Variants in HDX observed in about 807,000 individuals in gnomAD.
HDX encodes highly divergent homeobox.
Under a neutral mutation model 45.2 loss-of-function variants are expected in HDX, and 19 were observed. The ratio of observed to expected loss-of-function variants is 0.42; its 90% confidence interval spans 0.29 to 0.62. HDX has a LOEUF of 0.62. HDX is among the 20% of genes least tolerant of loss of function. The pLI is 0.20. For synonymous variants in HDX, 188 were observed against 172.8 expected (o/e 1.09, Z -0.69); for missense variants, 532 against 493.9 (o/e 1.08, Z -0.73).
At chrX:84,461,081 TAA>T (rs2040227263) in intron 4 of HDX, among the ~76,000 whole-genome samples, 1 of 111,459 alleles carries the variant, frequency 9.0e-6, no homozygotes. Flanking sequence ...TCAATATTTT[TAA>T]GGTGTCTATA....
At chrX:84,403,284 G>A (rs746567610) in intron 5 of HDX, among the ~76,000 whole-genome samples, 1 of 110,772 alleles carries the variant, frequency 9.0e-6, no homozygotes, top group South Asian at 3.7e-4. Flanking sequence ...TAAAAATAAA[G>A]GTTAAATGAA....
At chrX:84,356,118 CGTAA>C (rs1203619689) in intron 6 of HDX, among the ~76,000 whole-genome samples, 4 of 110,604 alleles carry the variant, frequency 3.6e-5, no homozygotes, top group South Asian at 3.8e-4. Context: ...CAAATTATAC[CGTAA>C]GTAATGGTTA....
In HDX at chrX:84,392,172, TATC is replaced by T. The variant is rs778423304; in HGVS notation, c.1306-30563_1306-30561del. Reference sequence around the variant, plus strand: ...TCCAAGCACCATTTATTAAAGAGACTATCATTTCCCAAATGTATGTACTTAGCA... The same window carrying T: ...TCCAAGCACCATTTATTAAAGAGACTATTTCCCAAATGTATGTACTTAGCA... On this transcript the variant is annotated intron_variant, in intron 5 of 10. Transcript: ENST00000373177. Among the ~76,000 whole-genome samples, 9 of 112,017 alleles carry T rather than the reference TATC, an allele frequency of 8.0e-5. No homozygotes were observed. The East Asian group carries it at 1.7e-3, about 21-fold the overall frequency.
At chrX:84,364,347 A>G (rs767501089) in intron 5 of HDX, among the ~76,000 whole-genome samples, 1 of 110,672 alleles carries the variant, frequency 9.0e-6, no homozygotes, top group African/African-American at 3.3e-5. Flanking sequence ...TTTCTAAATA[A>G]TCAAAAACAG....
At chrX:84,467,428 A>G (rs1271220185) in intron 4 of HDX, among the ~76,000 whole-genome samples, 1 of 110,323 alleles carries the variant, frequency 9.1e-6, no homozygotes, top group Non-Finnish European at 1.9e-5. Flanking sequence ...GGAGTCCAAG[A>G]CCAGCCTGGT....
chrX:84,432,002 A>T (rs780191961), intron 5 of HDX, among the ~76,000 whole-genome samples: 1 of 110,850 alleles, frequency 9.0e-6, no homozygotes, highest in Admixed American at 9.6e-5. Flanking sequence ...TCTTGAGTCG[A>T]TTTTTTTTAT....
At chrX:84,322,050 T>C in intron 10 of HDX, 36 bp from the exon 11 acceptor site, 5 of 973,551 alleles carry the variant, frequency 5.1e-6, no homozygotes, top group Non-Finnish European at 6.9e-6. Context: ...GATTAGTATG[T>C]GGATAGATTG....
intron 6 of HDX, among the ~76,000 whole-genome samples, chrX:84,359,029 C>A (rs73625980): frequency 9.1e-6 from 1 of 109,431 alleles, no homozygotes; most frequent in African/African-American, 3.3e-5. Context: ...CTTTACACCA[C>A]GGAAATCAGC....
intron 5 of HDX, among the ~76,000 whole-genome samples, chrX:84,439,064 G>GT (rs1012337535): frequency 9.0e-6 from 1 of 110,871 alleles, no homozygotes. Flanking sequence ...CTTTTGTTTT[G>GT]TTTTTTTGTT....
At chrX:84,457,790 A>G (rs886740168) in intron 4 of HDX, among the ~76,000 whole-genome samples, 2 of 112,019 alleles carry the variant, frequency 1.8e-5, no homozygotes, top group African/African-American at 6.5e-5. Context: ...TCCATTGTCA[A>G]CATTCATAGA....
intron 5 of HDX, among the ~76,000 whole-genome samples, chrX:84,412,933 A>G (rs1415321605): frequency 1.8e-5 from 2 of 112,275 alleles, no homozygotes; most frequent in Non-Finnish European, 3.8e-5. Flanking sequence ...AGCTTGGTCT[A>G]TTCTGCCGTT....
At chrX:84,455,605 TAA>T (rs1233198792) in intron 4 of HDX, among the ~76,000 whole-genome samples, 3 of 111,761 alleles carry the variant, frequency 2.7e-5, no homozygotes, top group African/African-American at 9.8e-5. Context: ...AGGGCAAATC[TAA>T]AAGATTTTGG....
chrX:84,368,199 T>C (rs1295649885), intron 5 of HDX, among the ~76,000 whole-genome samples: 1 of 111,686 alleles, frequency 9.0e-6, no homozygotes, highest in East Asian at 2.8e-4. Context: ...ATTGAACATA[T>C]GCATTTATTT....
chrX:84,383,581 T>C (rs765069943), intron 5 of HDX, among the ~76,000 whole-genome samples: 1 of 111,909 alleles, frequency 8.9e-6, no homozygotes, highest in African/African-American at 3.2e-5. Flanking sequence ...CTGTCATTTC[T>C]GTTAAATTTC....
intron 6 of HDX, among the ~76,000 whole-genome samples, chrX:84,360,457 T>C (rs1326925360): frequency 1.8e-5 from 2 of 112,049 alleles, no homozygotes; most frequent in African/African-American, 3.2e-5. Flanking sequence ...ATTTAATATG[T>C]ACAATTAAAA....
intron 5 of HDX, among the ~76,000 whole-genome samples, chrX:84,366,537 C>T (rs1460982744): frequency 9.0e-6 from 1 of 111,486 alleles, no homozygotes; most frequent in African/African-American, 3.3e-5. Flanking sequence ...CAATCCTAAG[C>T]AAAAAGAACA....
intron 8 of HDX, 61 bp downstream of exon 8, chrX:84,336,740 A>G (rs908661172): frequency 4.0e-6 from 3 of 754,095 alleles, no homozygotes; most frequent in African/African-American, 2.1e-5. Flanking sequence ...ATTTTCACCA[A>G]CTGGATACTT....
intron 5 of HDX, among the ~76,000 whole-genome samples, chrX:84,401,850 T>C (rs1205321870): frequency 8.9e-6 from 1 of 112,278 alleles, no homozygotes; most frequent in Non-Finnish European, 1.9e-5. Context: ...ATGTGGTACA[T>C]ATACACCATG....
intron 8 of HDX, among the ~76,000 whole-genome samples, chrX:84,334,262 C>G (rs746667612): frequency 9.0e-6 from 1 of 110,603 alleles, no homozygotes; most frequent in Non-Finnish European, 1.9e-5. Context: ...AAAATGTCAG[C>G]ATATGACATA....
Sources: allele counts gnomAD v4.1 joint callset (sites outside exome capture counted in the v4.1 genomes callset), GRCh38; gene constraint gnomAD v4.1.1; transcripts MANE v1.5; gene names NCBI Gene and HGNC (gene_info 2026-07-23, HGNC 2026-07-21).